The following ZNF134 variants were observed in gnomAD, a reference collection of about 807,000 sequenced individuals.
ZNF134 encodes the protein zinc finger protein 134 (clone pHZ-15).
A neutral mutation model predicts 2.5 loss-of-function variants in ZNF134; 5 were observed. The ratio of observed to expected loss-of-function variants is 2.03; its 90% CI spans 1.06 to 4.27. The LOEUF (loss-of-function observed/expected upper bound fraction) is 4.27, where lower values mean the gene tolerates loss of function less well. ZNF134 is among the 30% of genes most tolerant of loss of function. The pLI is 0.00. For missense variants in ZNF134, 540 were observed against 517.5 expected, an observed-to-expected ratio of 1.04 and a Z score of -0.42; for synonymous variants, 176 against 176.2, an observed-to-expected ratio of 1.00 and a Z score of 0.01.
rs367895175 is a variant in ZNF134 at position 57,621,014 on chromosome 19, C to T, written c.895C>T (p.His299Tyr). Residue 299 changes from histidine (H) to tyrosine (Y), a missense_variant, in exon 3 of 3, where the codon CAC becomes TAC. Transcript: ENST00000396161. Reference sequence around the variant, plus strand: ...CAGTGATTGTGGGAAAGTCTTCAGACACAAATCTACACTTGTTCAGCATGA... The same window carrying T: ...CAGTGATTGTGGGAAAGTCTTCAGATACAAATCTACACTTGTTCAGCATGA... The part of the protein sequence containing the change: ...KCSDCGKVFR[H>Y]KSTLVQHESI... 5 of 1,614,094 alleles carry T rather than the reference C, an allele frequency of 3.1e-6. No homozygotes were observed. Among genetic ancestry groups the T allele is most frequent in the African/African-American group, 1.3e-5 (1 of 74,992 alleles).
rs561840396 is a variant in ZNF134, at chr19:57,621,497, C to T, written c.*94C>T. ...AGGAGATACCTTATGGTGCCAGGTA[C>T]GTGGGAACCTTCTAGGGATATGTTG... On this transcript the variant is annotated 3_prime_UTR_variant, in exon 3 of 3. Coordinates refer to ENST00000396161, the MANE Select transcript of ZNF134 (RefSeq NM_003435.5). The T allele has an allele frequency of 3.7e-4, 587 of 1,573,102 alleles. 3 individuals are homozygous for T. In the South Asian group the frequency reaches 5.0e-3, roughly 13 times the overall value.
chr19:57,620,061 T>C (rs1981154245), intron 2 of ZNF134, 99 bp from the exon 3 acceptor site: 1 of 1,379,212 alleles, frequency 7.3e-7, no homozygotes, highest in African/African-American at 1.4e-5. Flanking sequence ...CCAGGAAACT[T>C]AGGTACTCAG....
intron 2 of ZNF134, 45 bp from the exon 3 acceptor site, chr19:57,620,115 C>A (rs779950003): frequency 2.5e-6 from 4 of 1,577,812 alleles, no homozygotes; most frequent in Non-Finnish European, 3.4e-6. Context: ...GTTGCCCCAC[C>A]CACCAAAGTC....
chr19:57,619,531 C>T (rs1394609652), intron 2 of ZNF134, 23 bp downstream of exon 2: 1 of 1,587,510 alleles, frequency 6.3e-7, no homozygotes, highest in Admixed American at 1.8e-5. Context: ...TGAGGGACGC[C>T]ATAACCTCAG....
intron 1 of ZNF134, among the ~76,000 whole-genome samples, chr19:57,615,762 G>T (rs907695190): frequency 1.3e-5 from 2 of 152,182 alleles, no homozygotes; most frequent in African/African-American, 2.4e-5. Context: ...AGTTACAGTG[G>T]TGGGACATGT....
At position 57,614,451 on chromosome 19, in the gene ZNF134, C is replaced by T; in HGVS notation, c.-110C>T. On this transcript the variant is annotated 5_prime_UTR_variant, in exon 1 of 3. Coordinates refer to ENST00000396161, the MANE Select transcript of ZNF134 (RefSeq NM_003435.5). ...GCGACCTGGGACCCCCTCGCGGCTCCGGGTGGTCTACGAACTGTGATGGCG... is the reference window on the plus strand; with the variant it reads ...GCGACCTGGGACCCCCTCGCGGCTCTGGGTGGTCTACGAACTGTGATGGCG... 2.3e-6 allele frequency: 1 copy of T among 439,516 alleles called. No individual in the cohort carries two copies. The highest frequency in any genetic ancestry group is 4.6e-6 in the Non-Finnish European group (1 of 218,916). The allele number at this position is 439,516 out of a possible 1,614,324, so 27.2% of individuals were successfully genotyped here.
In ZNF134 at chr19:57,615,035, G is replaced by A. The variant is rs78822032; in HGVS notation, c.-58+532G>A. ...GATGGAACCAATGGGGTTTCCTGCC[G>A]CATCAGATGTGGTCGTGAGTGAATG... On this transcript the variant is annotated intron_variant, in intron 1 of 2. Transcript: ENST00000396161. Among the ~76,000 whole-genome samples, 1,362 of 152,180 alleles carry A rather than the reference G, an allele frequency of 8.9e-3. 18 individuals are homozygous for A. The highest frequency in any genetic ancestry group is 0.03 in the African/African-American group (1,262 of 41,472).
Position 57,620,270 on chromosome 19 carries a change from C to T in ZNF134, c.151C>T (p.Pro51Ser). 6.2e-7 allele frequency: 1 copy of T among 1,614,206 alleles called. No individual in the cohort carries two copies. Among genetic ancestry groups the T allele is most frequent in the Non-Finnish European group, 8.5e-7 (1 of 1,180,044 alleles). Residue 51 changes from proline to serine, a missense_variant, in exon 3 of 3, where the codon CCT becomes TCT. Physicochemically the swap from Pro to Ser is moderately conservative, Grantham distance 74. Transcript: ENST00000396161. ...KAGLPAQTAL[P>S]CDICGPILKD... Reference sequence around the variant, plus strand: ...AGGTTTGCCCGCACAGACGGCTCTCCCTTGTGACATATGTGGCCCCATCTT... The same window carrying T: ...AGGTTTGCCCGCACAGACGGCTCTCTCTTGTGACATATGTGGCCCCATCTT...
chr19:57,624,465 G>C lies in ZNF134; in HGVS notation c.*3062G>C, dbSNP rs998737406. ...ATAACAGAAAACCCAAAACAAAAGA[G>C]AAAACTGCCAGAACCCCAGTCAGGG... On this transcript the variant is annotated 3_prime_UTR_variant, in exon 3 of 3. Coordinates refer to ENST00000396161, the MANE Select transcript of ZNF134 (RefSeq NM_003435.5). 6.6e-6 allele frequency: 1 copy of C among 152,062 alleles called. No homozygotes were observed. Among genetic ancestry groups the C allele is most frequent in the African/African-American group, 2.4e-5 (1 of 41,414 alleles). The allele number at this position is 152,062 out of a possible 1,614,324, so 9.4% of individuals were successfully genotyped here.
chr19:57,615,969 A>T (rs2283633), intron 1 of ZNF134, among the ~76,000 whole-genome samples: 10,628 of 152,306 alleles, frequency 0.07, 464 homozygotes, highest in East Asian at 0.095. Flanking sequence ...GAATTTTATT[A>T]TATCTTATAG....
chr19:57,615,023 G>C (rs1981011915), intron 1 of ZNF134, among the ~76,000 whole-genome samples: 1 of 152,128 alleles, frequency 6.6e-6, no homozygotes, highest in South Asian at 2.1e-4. Flanking sequence ...GGAACCAATG[G>C]GGTTTCCTGC....
chr19:57,619,568 C>T, intron 2 of ZNF134, 60 bp downstream of exon 2: 2 of 1,514,532 alleles, frequency 1.3e-6, no homozygotes, highest in South Asian at 1.3e-5. Context: ...TTCCGGAAAC[C>T]TATGTTGTGC....
chr19:57,620,679 G>A lies in ZNF134; in HGVS notation c.560G>A (p.Arg187His), dbSNP rs371867794. Residue 187 changes from arginine (R) to histidine (H), a missense_variant, in exon 3 of 3, where the codon CGC becomes CAC. Arg to His is a conservative substitution (Grantham distance 29). Transcript: ENST00000396161. ...KCSECGKAFS[R>H]KDTLVQHQRI... ...AGTGAATGTGGGAAAGCTTTCAGCC[G>A]CAAAGACACACTTGTCCAGCACCAG... 3.4e-5 allele frequency: 55 copies of A among 1,613,892 alleles called. No homozygotes were observed. The highest frequency in any genetic ancestry group is 5.3e-5 in the African/African-American group (4 of 74,866).
In ZNF134 at chr19:57,619,426, T is replaced by G; in HGVS notation, c.-43T>G. 2 of 1,584,656 alleles carry G rather than the reference T, an allele frequency of 1.3e-6. No individual in the cohort carries two copies. Among genetic ancestry groups the G allele is most frequent in the Non-Finnish European group, 1.7e-6 (2 of 1,164,736 alleles). ...GTATCTTCCAGATCCTCTGTGGTTG[T>G]TGAATTGTAACAAGAGAGAGAACTC... On this transcript the variant is annotated 5_prime_UTR_variant, in exon 2 of 3. Coordinates refer to ENST00000396161, the MANE Select transcript of ZNF134 (RefSeq NM_003435.5).
At chr19:57,617,462 T>C (rs570370456) in intron 1 of ZNF134, among the ~76,000 whole-genome samples, 1 of 152,296 alleles carries the variant, frequency 6.6e-6, no homozygotes, top group East Asian at 1.9e-4. Flanking sequence ...CTGGATTTTT[T>C]AGTCTGAGAA....
chr19:57,614,592 C>T (rs1311537514), intron 1 of ZNF134, 89 bp downstream of exon 1: 5 of 336,796 alleles, frequency 1.5e-5, no homozygotes, highest in African/African-American at 1.1e-4. Context: ...CAGCGCAGGC[C>T]CCAGTGTCCA....
In ZNF134 at chr19:57,621,094, T is replaced by C; in HGVS notation, c.975T>C (p.Phe325=). The C allele has an allele frequency of 3.1e-6, 5 of 1,614,226 alleles. No homozygotes were observed. The highest frequency in any genetic ancestry group is 4.2e-6 in the Non-Finnish European group (5 of 1,180,048). ...ATTGCAGTGATTGTGGGAAATCCTTTGGCCACAAATACACCCTCATTAAAC... is the reference window on the plus strand; with the variant it reads ...ATTGCAGTGATTGTGGGAAATCCTTCGGCCACAAATACACCCTCATTAAAC... ...PYDCSDCGKS[F]GHKYTLIKHQ... is the part of the protein sequence containing the mutation. Residue 325 remains phenylalanine, a synonymous_variant, in exon 3 of 3, where the codon TTT becomes TTC. Transcript: ENST00000396161.
In ZNF134 at chr19:57,621,590, C is replaced by A; in HGVS notation, c.*187C>A. On this transcript the variant is annotated 3_prime_UTR_variant, in exon 3 of 3. Transcript: ENST00000396161. ...TGTCAATCCATGTGGCCGAAACCATCTTAACTCTACCAGCTAAGATACCCC... is the reference window on the plus strand; with the variant it reads ...TGTCAATCCATGTGGCCGAAACCATATTAACTCTACCAGCTAAGATACCCC... 1 of 895,194 alleles carries A rather than the reference C, an allele frequency of 1.1e-6. No individual in the cohort carries two copies. The highest frequency in any genetic ancestry group is 1.9e-6 in the Non-Finnish European group (1 of 539,144). 55.5% of individuals were successfully genotyped at this position (895,194 alleles called of 1,614,324 possible).
Position 57,621,581 on chromosome 19 carries a change from C to G in ZNF134, c.*178C>G, listed in dbSNP as rs186505474. On this transcript the variant is annotated 3_prime_UTR_variant, in exon 3 of 3. Transcript: ENST00000396161. ...TTATGTCACTGTCAATCCATGTGGC[C>G]GAAACCATCTTAACTCTACCAGCTA... 94 of 960,758 alleles carry G rather than the reference C, an allele frequency of 9.8e-5. 1 individual carries two copies. The Admixed American group carries it at 1.6e-3, about 16-fold the overall frequency. The allele number at this position is 960,758 out of a possible 1,614,324, so 59.5% of individuals were successfully genotyped here.
Sources: gnomAD v4.1 joint callset for allele counts (sites outside exome capture counted in the v4.1 genomes callset) on GRCh38, gnomAD v4.1.1 for gene constraint, MANE v1.5 for transcripts, NCBI Gene and HGNC (gene_info 2026-07-23, HGNC 2026-07-21) for gene names.